The following SIPA1L1 variants were observed in gnomAD, a reference collection of about 807,000 sequenced individuals.
The protein encoded by SIPA1L1 is signal-induced proliferation-associated 1-like protein 1.
In SIPA1L1, 26 loss-of-function variants were observed where a neutral mutation model predicts 162.7. The ratio of observed to expected loss-of-function variants is 0.16; its 90% confidence interval spans 0.12 to 0.22. The LOEUF (loss-of-function observed/expected upper bound fraction) is 0.22. SIPA1L1 is among the 10% of genes least tolerant of loss of function. SIPA1L1 has a pLI of 1.00. For missense variants in SIPA1L1, 1,874 were observed against 2,241.0 expected (o/e 0.84, Z 3.31); for synonymous variants, 829 against 837.4 (o/e 0.99, Z 0.17).
intron 2 of SIPA1L1, among the ~76,000 whole-genome samples, chr14:71,425,450 C>T (rs1278999606): frequency 6.6e-6 from 1 of 151,912 alleles, no homozygotes; most frequent in Non-Finnish European, 1.5e-5. Context: ...TCTAATTTCC[C>T]CTGTGATTTC....
At chr14:71,664,289 G>A (rs571559280) in intron 10 of SIPA1L1, among the ~76,000 whole-genome samples, 6 of 152,260 alleles carry the variant, frequency 3.9e-5, no homozygotes, top group East Asian at 1.9e-4. Flanking sequence ...TGTTTTATTA[G>A]GGGTGGTTTG....
At chr14:71,617,352 A>T (rs1166973209) in intron 5 of SIPA1L1, among the ~76,000 whole-genome samples, 1 of 152,238 alleles carries the variant, frequency 6.6e-6, no homozygotes, top group Middle Eastern at 3.2e-3. Flanking sequence ...TGTGCAAAGT[A>T]AGAGTAAATA....
chr14:71,375,580 C>A (rs1001947363), intron 2 of SIPA1L1, among the ~76,000 whole-genome samples: 2 of 152,058 alleles, frequency 1.3e-5, no homozygotes, highest in African/African-American at 4.8e-5. Context: ...TGCTTTACAC[C>A]TCTTTTTCTT....
At chr14:71,522,925 G>T (rs1170706160) in intron 3 of SIPA1L1, among the ~76,000 whole-genome samples, 1 of 152,058 alleles carries the variant, frequency 6.6e-6, no homozygotes, top group Non-Finnish European at 1.5e-5. Context: ...CACCCGCCTT[G>T]GCCTCCCAAA....
At chr14:71,687,002 C>A (rs2080918410) in intron 13 of SIPA1L1, among the ~76,000 whole-genome samples, 1 of 152,196 alleles carries the variant, frequency 6.6e-6, no homozygotes, top group Admixed American at 6.5e-5. Context: ...GATTTAGAAA[C>A]CACACTATGA....
At chr14:71,451,068 G>A (rs529599812) in intron 2 of SIPA1L1, among the ~76,000 whole-genome samples, 2 of 152,068 alleles carry the variant, frequency 1.3e-5, no homozygotes, top group South Asian at 4.1e-4. Context: ...ATACTGTATA[G>A]CCGTAAAAAA....
chr14:71,533,968 A>G (rs1191546569), intron 4 of SIPA1L1, among the ~76,000 whole-genome samples: 1 of 152,150 alleles, frequency 6.6e-6, no homozygotes, highest in Non-Finnish European at 1.5e-5. Context: ...TCATGCGTGT[A>G]ATCCCAGTAC....
intron 10 of SIPA1L1, among the ~76,000 whole-genome samples, chr14:71,668,177 C>T (rs1056764421): frequency 6.6e-6 from 1 of 152,124 alleles, no homozygotes; most frequent in Non-Finnish European, 1.5e-5. Flanking sequence ...GTTACATGGC[C>T]CATATCGAGT....
chr14:71,410,523 A>AT (rs1391922804), intron 2 of SIPA1L1, among the ~76,000 whole-genome samples: 4 of 152,070 alleles, frequency 2.6e-5, no homozygotes, highest in Non-Finnish European at 4.4e-5. Flanking sequence ...AGTGTTTAGG[A>AT]TTTTTTATTT....
At chr14:71,542,490 GCTT>G (rs758678913) in intron 4 of SIPA1L1, among the ~76,000 whole-genome samples, 33 of 139,514 alleles carry the variant, frequency 2.4e-4, no homozygotes, top group East Asian at 1.1e-3. Flanking sequence ...TGCTTCTTCT[GCTT>G]CTTCTCCTCG....
At chr14:71,328,523 T>A (rs749381703) in intron 2 of SIPA1L1, among the ~76,000 whole-genome samples, 27 of 152,322 alleles carry the variant, frequency 1.8e-4, no homozygotes, top group Non-Finnish European at 1.8e-4. Context: ...AGATCTATGC[T>A]TGACAATAAG....
intron 23 of SIPA1L1, 21 bp downstream of exon 23, chr14:71,738,346 C>T (rs1566773186): frequency 6.5e-7 from 1 of 1,543,658 alleles, no homozygotes; most frequent in African/African-American, 1.4e-5. Context: ...ATTCTCAAAG[C>T]AAATTGTCCA....
intron 13 of SIPA1L1, among the ~76,000 whole-genome samples, chr14:71,692,415 T>G (rs2081316834): frequency 1.3e-5 from 2 of 152,170 alleles, no homozygotes; most frequent in Admixed American, 1.3e-4. Flanking sequence ...TGAATTCTGG[T>G]GGTGTATTTG....
chr14:71,530,040 C>G (rs1039473415), intron 4 of SIPA1L1, among the ~76,000 whole-genome samples: 8 of 152,196 alleles, frequency 5.3e-5, no homozygotes, highest in Admixed American at 1.3e-4. Flanking sequence ...GAAGCTTGCC[C>G]TTTCTCTGAC....
chr14:71,705,352 G>A lies in SIPA1L1; in HGVS notation c.3765+12G>A, dbSNP rs530597347. The A allele has an allele frequency of 1.3e-6, 2 of 1,579,528 alleles. No individual in the cohort carries two copies. Among genetic ancestry groups the A allele is most frequent in the Admixed American group, 3.3e-5 (2 of 59,968 alleles). On this transcript the variant is annotated intron_variant, in intron 16 of 23. Transcript: ENST00000381232. ...ACAAACAAGGGCATGTAAGTTAACTGTAAACTTAAAAAAGTATTAGATTCC... is the reference window on the plus strand; with the variant it reads ...ACAAACAAGGGCATGTAAGTTAACTATAAACTTAAAAAAGTATTAGATTCC...
intron 2 of SIPA1L1, among the ~76,000 whole-genome samples, chr14:71,436,548 T>C (rs1188760441): frequency 1.3e-5 from 2 of 152,156 alleles, no homozygotes; most frequent in Non-Finnish European, 2.9e-5. Flanking sequence ...CTTATCAAAT[T>C]CCTGAAGTCT....
chr14:71,536,146 G>C (rs1232363354), intron 4 of SIPA1L1, among the ~76,000 whole-genome samples: 1 of 151,590 alleles, frequency 6.6e-6, no homozygotes, highest in Non-Finnish European at 1.5e-5. Context: ...AAAGAGTCTG[G>C]CTTTCAAATC....
intron 2 of SIPA1L1, among the ~76,000 whole-genome samples, chr14:71,332,528 A>G (rs1216899371): frequency 1.3e-5 from 2 of 152,146 alleles, no homozygotes; most frequent in African/African-American, 2.4e-5. Flanking sequence ...TTATTTTATC[A>G]AGTGCTTTTC....
chr14:71,580,290 A>G (rs540777594), intron 4 of SIPA1L1, among the ~76,000 whole-genome samples: 2 of 152,280 alleles, frequency 1.3e-5, no homozygotes, highest in East Asian at 3.9e-4. Context: ...TTTAGCCTCA[A>G]TCCTGCAGAA....
Sources: gnomAD v4.1 joint callset for allele counts (sites outside exome capture counted in the v4.1 genomes callset) on GRCh38, gnomAD v4.1.1 for gene constraint, MANE v1.5 for transcripts, NCBI Gene and HGNC (gene_info 2026-07-23, HGNC 2026-07-21) for gene names.